The following ZFTRAF1 variants were observed in gnomAD, a reference collection of about 807,000 sequenced individuals.
ZFTRAF1 encodes zinc finger TRAF-type and ring finger containing 1.
chr8:144,461,636 T>C, the ZFTRAF1 span, among the ~76,000 whole-genome samples: 1 of 152,184 alleles, frequency 6.6e-6, no homozygotes, highest in African/African-American at 2.4e-5. Flanking sequence ...ATGTGGGGTT[T>C]GGCTGGGACT....
the ZFTRAF1 span, chr8:144,453,956 G>C: frequency 6.3e-6 from 1 of 158,786 alleles, no homozygotes; most frequent in South Asian, 1.8e-4. Context: ...TTGGCTCAGG[G>C]TGAGCCCAGG....
At chr8:144,461,744 G>T in the ZFTRAF1 span, among the ~76,000 whole-genome samples, 1 of 152,148 alleles carries the variant, frequency 6.6e-6, no homozygotes, top group African/African-American at 2.4e-5. Flanking sequence ...ACTGGAAATG[G>T]ACCAAGAGAA....
At chr8:144,450,011 G>A in the ZFTRAF1 span, 12 of 257,678 alleles carry the variant, frequency 4.7e-5, no homozygotes, top group South Asian at 1.4e-4. Context: ...GCGCCCCGCC[G>A]GAACCCGCAG....
the ZFTRAF1 span, chr8:144,450,115 G>A: frequency 2.2e-6 from 1 of 464,810 alleles, no homozygotes; most frequent in East Asian, 3.8e-5. Context: ...TCTGAGCCTC[G>A]GGGCGCCTGG....
the ZFTRAF1 span, chr8:144,452,313 C>A: frequency 6.5e-7 from 1 of 1,539,052 alleles, no homozygotes; most frequent in Admixed American, 2.0e-5. Flanking sequence ...TGCCAGCCCC[C>A]CAACCCACAC....
At chr8:144,462,068 C>G in the ZFTRAF1 span, among the ~76,000 whole-genome samples, 2 of 152,120 alleles carry the variant, frequency 1.3e-5, no homozygotes, top group Admixed American at 6.5e-5. Context: ...AGGGGGGTCC[C>G]GAGCGGAAAA....
the ZFTRAF1 span, chr8:144,450,120 G>T: frequency 2.1e-6 from 1 of 476,740 alleles, no homozygotes; most frequent in South Asian, 2.4e-5. Flanking sequence ...GCCTCGGGGC[G>T]CCTGGTGCAC....
chr8:144,452,034 CCTGA>C, the ZFTRAF1 span: 3 of 404,920 alleles, frequency 7.4e-6, no homozygotes, highest in Admixed American at 1.1e-4. Flanking sequence ...CTGGTTAGAC[CCTGA>C]CTGTCTTGAG....
chr8:144,457,115 G>C, the ZFTRAF1 span: 5 of 151,402 alleles, frequency 3.3e-5, no homozygotes, highest in Non-Finnish European at 5.9e-5. Flanking sequence ...ATACCACAGG[G>C]GATGACATCA....
At chr8:144,450,535 C>T in the ZFTRAF1 span, 2 of 718,320 alleles carry the variant, frequency 2.8e-6, no homozygotes, top group Non-Finnish European at 5.2e-6. Flanking sequence ...GGCTGATCCT[C>T]ACGTCGTCGT....
At chr8:144,462,138 C>G in the ZFTRAF1 span, 3 of 355,936 alleles carry the variant, frequency 8.4e-6, no homozygotes, top group Non-Finnish European at 1.5e-5. Context: ...CCCCGCTGGG[C>G]GAGGAAGTGG....
chr8:144,452,150 C>G, the ZFTRAF1 span: 10 of 656,080 alleles, frequency 1.5e-5, no homozygotes, highest in Non-Finnish European at 2.8e-5. Flanking sequence ...CAGGTGTGCA[C>G]CTGGGGTCTG....
chr8:144,453,223 T>C, the ZFTRAF1 span: 1 of 1,550,564 alleles, frequency 6.4e-7, no homozygotes. Flanking sequence ...CTCAGTTACC[T>C]GTCCTGGCAT....
chr8:144,453,678 G>C, the ZFTRAF1 span: 13 of 559,426 alleles, frequency 2.3e-5, no homozygotes, highest in Admixed American at 2.5e-4. Context: ...AGAGATTAGA[G>C]GTCCTAAAAG....
At chr8:144,452,640 T>C in the ZFTRAF1 span, 2 of 1,392,680 alleles carry the variant, frequency 1.4e-6, no homozygotes, top group South Asian at 2.7e-5. Context: ...TGTCCTCCCA[T>C]ATGGCTTCCA....
the ZFTRAF1 span, chr8:144,462,861 G>C: frequency 6.6e-6 from 1 of 152,032 alleles, no homozygotes. Context: ...CTTTGTTTTC[G>C]CTGTGCGCTT....
At chr8:144,459,524 G>C in the ZFTRAF1 span, among the ~76,000 whole-genome samples, 2 of 152,288 alleles carry the variant, frequency 1.3e-5, no homozygotes, top group African/African-American at 2.4e-5. Flanking sequence ...TTCCCAGCCT[G>C]TGAGGCATCA....
the ZFTRAF1 span, chr8:144,453,666 G>C: frequency 3.6e-5 from 21 of 576,846 alleles, no homozygotes; most frequent in African/African-American, 3.0e-4. Context: ...TTGGGTTCTT[G>C]CAGAGATTAG....
At chr8:144,462,324 A>G in the ZFTRAF1 span, 2 of 558,658 alleles carry the variant, frequency 3.6e-6, no homozygotes, top group Admixed American at 2.9e-5. Flanking sequence ...CACACGGTGC[A>G]GCACAGCACC....
Sources: gnomAD v4.1 joint callset for allele counts (sites outside exome capture counted in the v4.1 genomes callset) on GRCh38, gnomAD v4.1.1 for gene constraint, MANE v1.5 for transcripts, NCBI Gene and HGNC (gene_info 2026-07-23, HGNC 2026-07-21) for gene names.